The following METTL25 variants were observed in gnomAD, a reference collection of about 807,000 sequenced individuals.
The protein encoded by METTL25 is probable methyltransferase-like protein 25.
In METTL25, 64 loss-of-function variants were observed where a neutral mutation model predicts 71.6. That is an observed-to-expected ratio of 0.89 (90% CI 0.73 to 1.10). The LOEUF (loss-of-function observed/expected upper bound fraction) is 1.10, where lower values mean the gene tolerates loss of function less well. Among genes scored for constraint, METTL25 ranks in the 50% least tolerant of loss-of-function variants. METTL25 has a pLI of 0.00. For missense variants in METTL25, 807 were observed against 707.0 expected (o/e 1.14, Z -1.60); for synonymous variants, 287 against 250.3 (o/e 1.15, Z -1.38).
chr12:82,411,307 G>A (rs1460669717), intron 5 of METTL25, among the ~76,000 whole-genome samples: 1 of 152,038 alleles, frequency 6.6e-6, no homozygotes, highest in Admixed American at 6.6e-5. Context: ...AAGCATTTAA[G>A]ATTGTTTAAA....
intron 7 of METTL25, among the ~76,000 whole-genome samples, chr12:82,435,082 AAC>A (rs1476934762): frequency 6.6e-6 from 1 of 151,458 alleles, no homozygotes; most frequent in Non-Finnish European, 1.5e-5. Flanking sequence ...TATAGTCCAA[AAC>A]ACATACTTCA....
At position 82,394,619 on chromosome 12, in the gene METTL25, AAAAC is replaced by A. The variant is rs1345971498; in HGVS notation, c.532-4169_532-4166del. On this transcript the variant is annotated intron_variant, in intron 3 of 11. Coordinates refer to ENST00000248306, the MANE Select transcript of METTL25 (RefSeq NM_032230.3). ...CTATACTGAGGGTGCATCAGTGAAC[AAAAC>A]AAACAAGAAATATTTTTGCCCTAGT... is the stretch of plus-strand genomic sequence containing the variant. 2.6e-5 allele frequency among the ~76,000 whole-genome samples: 4 copies of A among 152,170 alleles called. No individual in the cohort carries two copies. In the East Asian group the frequency reaches 7.7e-4, roughly 29 times the overall value.
intron 8 of METTL25, among the ~76,000 whole-genome samples, chr12:82,448,119 A>G (rs958488405): frequency 6.6e-6 from 1 of 152,100 alleles, no homozygotes; most frequent in Non-Finnish European, 1.5e-5. Flanking sequence ...TATTGGAATT[A>G]CTGGCCAGCA....
intron 8 of METTL25, among the ~76,000 whole-genome samples, chr12:82,452,606 A>G (rs975340349): frequency 2.0e-5 from 3 of 152,192 alleles, no homozygotes; most frequent in African/African-American, 7.2e-5. Flanking sequence ...TGCACCTACA[A>G]AAGAGCAATT....
chr12:82,409,947 GT>G (rs1396887896), intron 5 of METTL25, among the ~76,000 whole-genome samples: 2 of 148,870 alleles, frequency 1.3e-5, no homozygotes, highest in Non-Finnish European at 3.0e-5. Flanking sequence ...AGTGTAGATT[GT>G]TTCTTAAGTT....
At chr12:82,455,159 AT>A (rs1276579709) in intron 8 of METTL25, among the ~76,000 whole-genome samples, 3 of 149,390 alleles carry the variant, frequency 2.0e-5, no homozygotes, top group African/African-American at 7.5e-5. Context: ...GTCCTTTTGG[AT>A]TAAAAAAAAA....
At chr12:82,460,999 C>T (rs1405438036) in intron 9 of METTL25, among the ~76,000 whole-genome samples, 5 of 152,016 alleles carry the variant, frequency 3.3e-5, no homozygotes, top group East Asian at 1.9e-4. Flanking sequence ...AAAAATTAGC[C>T]GGGCATGGTG....
intron 1 of METTL25, among the ~76,000 whole-genome samples, chr12:82,385,253 C>G (rs1023299307): frequency 2.0e-5 from 3 of 151,894 alleles, no homozygotes; most frequent in African/African-American, 7.3e-5. Flanking sequence ...TTCTACAAAC[C>G]CTCATCACTT....
chr12:82,378,021 G>A (rs555493110), intron 1 of METTL25, among the ~76,000 whole-genome samples: 29 of 151,088 alleles, frequency 1.9e-4, no homozygotes, highest in African/African-American at 7.0e-4. Context: ...TTTTTTTTTC[G>A]TGTATCTTCT....
Position 82,479,226 on chromosome 12 carries a change from A to G in METTL25, c.*202A>G, listed in dbSNP as rs1489120067. 1 of 468,986 alleles carries G rather than the reference A, an allele frequency of 2.1e-6. No homozygotes were observed. Among genetic ancestry groups the G allele is most frequent in the Non-Finnish European group, 3.8e-6 (1 of 262,228 alleles). 29.1% of individuals were successfully genotyped at this position (468,986 alleles called of 1,614,324 possible). A position where few individuals can be genotyped will look rare whatever the true frequency, so the allele number is the denominator to read the frequency against. On this transcript the variant is annotated 3_prime_UTR_variant, in exon 12 of 12. Transcript: ENST00000248306. ...TACATTAATAAAAGAAGAACCTGTC[A>G]TAATAATATAAAACAGTTGACCTAC...
intron 3 of METTL25, among the ~76,000 whole-genome samples, chr12:82,391,724 CTTTTT>C (rs58065185): frequency 8.0e-6 from 1 of 125,528 alleles, no homozygotes. Flanking sequence ...TACTGATTTC[CTTTTT>C]TTTTTTTTTT....
intron 1 of METTL25, among the ~76,000 whole-genome samples, chr12:82,370,783 T>C (rs988350414): frequency 6.6e-5 from 10 of 151,706 alleles, no homozygotes; most frequent in African/African-American, 2.2e-4. Context: ...TCTTCCTCCC[T>C]CTCTCTCTCT....
intron 5 of METTL25, among the ~76,000 whole-genome samples, chr12:82,415,494 A>G (rs924647512): frequency 2.0e-5 from 3 of 152,110 alleles, no homozygotes; most frequent in East Asian, 1.9e-4. Flanking sequence ...ATGGGCTGAC[A>G]CAATTATGGA....
intron 8 of METTL25, among the ~76,000 whole-genome samples, chr12:82,442,473 A>G (rs1265707899): frequency 6.6e-6 from 1 of 152,176 alleles, no homozygotes; most frequent in Non-Finnish European, 1.5e-5. Flanking sequence ...ACAGAAGCCA[A>G]TCCCAAAAGG....
intron 1 of METTL25, among the ~76,000 whole-genome samples, chr12:82,363,115 A>C (rs946419708): frequency 1.3e-5 from 2 of 152,166 alleles, no homozygotes; most frequent in African/African-American, 4.8e-5. Flanking sequence ...GAAACAGGAG[A>C]TACAAAAGGT....
chr12:82,393,247 C>G (rs1384497610), intron 3 of METTL25, among the ~76,000 whole-genome samples: 1 of 151,816 alleles, frequency 6.6e-6, no homozygotes, highest in Admixed American at 6.6e-5. Context: ...ATATTGATTC[C>G]CCTAATCCAT....
intron 1 of METTL25, among the ~76,000 whole-genome samples, chr12:82,365,452 A>T (rs1882454782): frequency 6.6e-6 from 1 of 152,256 alleles, no homozygotes; most frequent in Non-Finnish European, 1.5e-5. Context: ...GCAGCAAAAA[A>T]GCCAGTAGAG....
intron 5 of METTL25, among the ~76,000 whole-genome samples, chr12:82,404,585 C>T (rs1555208648): frequency 1.3e-5 from 2 of 152,008 alleles, no homozygotes; most frequent in South Asian, 2.1e-4. Context: ...GTTGTTAGTT[C>T]AAGAGTTTCC....
intron 1 of METTL25, among the ~76,000 whole-genome samples, chr12:82,364,534 C>A (rs1255071669): frequency 6.6e-6 from 1 of 152,176 alleles, no homozygotes; most frequent in East Asian, 1.9e-4. Flanking sequence ...AGACTGTGGC[C>A]TACATGTTAG....
Sources: gnomAD v4.1 joint callset for allele counts (sites outside exome capture counted in the v4.1 genomes callset) on GRCh38, gnomAD v4.1.1 for gene constraint, MANE v1.5 for transcripts, NCBI Gene and HGNC (gene_info 2026-07-23, HGNC 2026-07-21) for gene names.